Variants in EYA2 observed in about 807,000 individuals in gnomAD.
The protein encoded by EYA2 is EYA transcriptional coactivator and phosphatase 2, also known as protein phosphatase EYA2.
EYA2 carries 31 observed loss-of-function variants against 69.2 expected under a neutral mutation model. The observed-to-expected ratio is 0.45, with a 90% CI of 0.34 to 0.60. The LOEUF is 0.60. Among genes scored for constraint, EYA2 ranks in the 20% least tolerant of loss-of-function variants. EYA2 has a pLI of 0.02. For synonymous variants in EYA2, 257 were observed against 279.4 expected, an observed-to-expected ratio of 0.92 and a Z score of 0.80; for missense variants, 622 against 701.2, an observed-to-expected ratio of 0.89 and a Z score of 1.28.
At chr20:47,123,340 A>G (rs890678082) in intron 9 of EYA2, among the ~76,000 whole-genome samples, 13 of 152,146 alleles carry the variant, frequency 8.5e-5, no homozygotes, top group African/African-American at 2.4e-4. Flanking sequence ...TTGAAACTAT[A>G]TATTATTATT....
At chr20:46,956,939 T>C (rs1979159789) in intron 1 of EYA2, among the ~76,000 whole-genome samples, 1 of 152,200 alleles carries the variant, frequency 6.6e-6, no homozygotes, top group African/African-American at 2.4e-5. Flanking sequence ...GTGAGACTTA[T>C]TCACTATCAC....
chr20:46,955,191 C>T (rs3092258), intron 1 of EYA2, among the ~76,000 whole-genome samples: 143,094 of 150,418 alleles, frequency 0.95, 68,438 homozygotes, highest in Middle Eastern at 0.99. Context: ...GGCTGGAGTG[C>T]AATGGCGCGA....
intron 2 of EYA2, chr20:46,997,874 C>T (rs1278930882): frequency 1.3e-5 from 2 of 152,240 alleles, no homozygotes; most frequent in Non-Finnish European, 2.9e-5. Context: ...GCTTGGAGCT[C>T]ATCTGAAGAA....
At chr20:47,013,629 G>A (rs567391971) in intron 4 of EYA2, among the ~76,000 whole-genome samples, 22 of 152,286 alleles carry the variant, frequency 1.4e-4, no homozygotes, top group African/African-American at 4.3e-4. Context: ...TTTCCATCCC[G>A]TCACTAAAAC....
At chr20:47,053,805 G>A (rs912619538) in intron 5 of EYA2, among the ~76,000 whole-genome samples, 1 of 151,512 alleles carries the variant, frequency 6.6e-6, no homozygotes, top group Admixed American at 6.6e-5. Flanking sequence ...GGGTGATATT[G>A]CCCCCTTGAG....
intron 14 of EYA2, 68 bp downstream of exon 14, chr20:47,181,004 A>G (rs2235907): frequency 0.48 from 756,130 of 1,570,552 alleles, 187,693 homozygotes; most frequent in African/African-American, 0.82. Flanking sequence ...CATCCTGGGA[A>G]TGGGGTGTTT....
intron 9 of EYA2, among the ~76,000 whole-genome samples, chr20:47,132,592 C>G (rs1022998945): frequency 2.0e-5 from 3 of 152,190 alleles, no homozygotes; most frequent in Admixed American, 2.0e-4. Flanking sequence ...AGGTGATGTA[C>G]CTGGGGAATG....
chr20:47,004,906 G>A (rs200460704), intron 3 of EYA2, 36 bp from the exon 4 acceptor site: 2 of 1,613,862 alleles, frequency 1.2e-6, no homozygotes, highest in African/African-American at 1.3e-5. Flanking sequence ...GTGCCAGACT[G>A]GGCCTGGAGA....
At chr20:47,048,284 A>C (rs1201971274) in intron 5 of EYA2, among the ~76,000 whole-genome samples, 2 of 152,170 alleles carry the variant, frequency 1.3e-5, no homozygotes, top group Admixed American at 1.3e-4. Context: ...CGTGGAGAAC[A>C]CATGCTCCAT....
In EYA2 at chr20:47,074,270, C is replaced by T. The variant is rs1295443399; in HGVS notation, c.596C>T (p.Thr199Met). 9 of 1,614,174 alleles carry T rather than the reference C, an allele frequency of 5.6e-6. No homozygotes were observed. The highest frequency in any genetic ancestry group is 7.6e-6 in the Non-Finnish European group (9 of 1,180,004). ...AGCATCTGCCCTTCGCCCCTCTCCA[C>T]GTCCACCTACGTCCTCCAGGAGGCA... The part of the protein sequence containing the change: ...ASSICPSPLS[T>M]STYVLQEASH... The change falls in exon 7 of 16, where the codon ACG (threonine) becomes ATG (methionine). Residue 199 changes from threonine to methionine, a missense_variant. Coordinates refer to ENST00000327619, the MANE Select transcript of EYA2 (RefSeq NM_005244.5).
intron 8 of EYA2, 42 bp downstream of exon 8, chr20:47,089,423 C>T (rs369395489): frequency 6.9e-5 from 108 of 1,572,982 alleles, no homozygotes; most frequent in Middle Eastern, 3.4e-4. Context: ...AATGTAATCT[C>T]CATCTGAGGC....
intron 7 of EYA2, among the ~76,000 whole-genome samples, chr20:47,086,423 G>A (rs1188978162): frequency 3.3e-5 from 5 of 152,206 alleles, no homozygotes; most frequent in Non-Finnish European, 7.3e-5. Flanking sequence ...TGTACAGGAA[G>A]TATGGTGCTG....
intron 7 of EYA2, among the ~76,000 whole-genome samples, chr20:47,076,848 C>A (rs1426126634): frequency 6.6e-6 from 1 of 152,152 alleles, no homozygotes; most frequent in East Asian, 1.9e-4. Flanking sequence ...CACCAGCTAC[C>A]CAGAGCTCAA....
chr20:46,970,360 A>T (rs1174950076), intron 1 of EYA2, among the ~76,000 whole-genome samples: 1 of 152,162 alleles, frequency 6.6e-6, no homozygotes, highest in Non-Finnish European at 1.5e-5. Context: ...ACCAGGGTTG[A>T]TGTTGACCCC....
chr20:47,105,584 C>T (rs1235474744), intron 9 of EYA2, among the ~76,000 whole-genome samples: 3 of 145,658 alleles, frequency 2.1e-5, no homozygotes, highest in Non-Finnish European at 4.4e-5. Context: ...GAGATCACGC[C>T]ACTGAACTCC....
chr20:47,172,107 TAAAAA>T (rs200935631), intron 11 of EYA2, among the ~76,000 whole-genome samples: 2 of 141,966 alleles, frequency 1.4e-5, no homozygotes, highest in African/African-American at 5.2e-5. Flanking sequence ...TCAAAATAAA[TAAAAA>T]AAAATAAAAA....
chr20:47,041,915 A>C (rs1985092326), intron 5 of EYA2, among the ~76,000 whole-genome samples: 1 of 152,150 alleles, frequency 6.6e-6, no homozygotes, highest in African/African-American at 2.4e-5. Flanking sequence ...GCACTACCTT[A>C]AATGGAAAGC....
At chr20:47,151,252 T>A (rs897128088) in intron 10 of EYA2, among the ~76,000 whole-genome samples, 1 of 151,704 alleles carries the variant, frequency 6.6e-6, no homozygotes, top group African/African-American at 2.4e-5. Context: ...GCACCTGTAA[T>A]CCCAGCTACT....
intron 1 of EYA2, chr20:46,978,332 G>T (rs76195980): frequency 3.1e-6 from 1 of 320,400 alleles, no homozygotes; most frequent in African/African-American, 2.2e-5. Context: ...AGTGACTGGT[G>T]TGTGTGATAG....
Sources: gnomAD v4.1 joint callset for allele counts (sites outside exome capture counted in the v4.1 genomes callset) on GRCh38, gnomAD v4.1.1 for gene constraint, MANE v1.5 for transcripts, NCBI Gene and HGNC (gene_info 2026-07-23, HGNC 2026-07-21) for gene names.